The following CSNK1A1 variants were observed in gnomAD, a reference collection of about 807,000 sequenced individuals.
CSNK1A1 encodes casein kinase 1 alpha 1.
CSNK1A1 carries 7 observed loss-of-function variants against 46.1 expected under a neutral mutation model. The observed-to-expected ratio is 0.15, with a 90% CI of 0.09 to 0.29. CSNK1A1 has a LOEUF of 0.29. Among genes scored for constraint, CSNK1A1 ranks in the 10% least tolerant of loss-of-function variants. The pLI, the probability that CSNK1A1 is intolerant of heterozygous loss-of-function variation, is 1.00. For synonymous variants in CSNK1A1, 137 were observed against 141.5 expected, an observed-to-expected ratio of 0.97 and a Z score of 0.23; for missense variants, 96 against 417.1, an observed-to-expected ratio of 0.23 and a Z score of 6.71.
At chr5:149,504,133 G>A (rs1041558669) in intron 9 of CSNK1A1, 1 of 985,394 alleles carries the variant, frequency 1.0e-6, no homozygotes, top group Non-Finnish European at 1.2e-6. Context: ...AGATGCAGAG[G>A]CAGAGCACTG....
intron 2 of CSNK1A1, among the ~76,000 whole-genome samples, chr5:149,543,423 T>C (rs906799770): frequency 1.8e-4 from 28 of 152,238 alleles, no homozygotes; most frequent in African/African-American, 6.5e-4. Flanking sequence ...TAGTATACCA[T>C]GAATTCAGTT....
chr5:149,529,676 C>T (rs1039377591), intron 2 of CSNK1A1: 1 of 455,806 alleles, frequency 2.2e-6, no homozygotes, highest in African/African-American at 2.0e-5. Context: ...TAGATTGAAG[C>T]TGCAGTATAG....
At chr5:149,544,758 T>TATATATATATATACACACAC (rs150989849) in intron 2 of CSNK1A1, among the ~76,000 whole-genome samples, 1 of 129,284 alleles carries the variant, frequency 7.7e-6, no homozygotes, top group African/African-American at 3.2e-5. Context: ...TATATATATA[T>TATATATATATATACACACAC]ATATATAGTT....
At chr5:149,500,435 C>A (rs187520822) in intron 9 of CSNK1A1, among the ~76,000 whole-genome samples, 1 of 151,980 alleles carries the variant, frequency 6.6e-6, no homozygotes, top group South Asian at 2.1e-4. Context: ...CCGCGCCCGG[C>A]CCCAGCTACT....
chr5:149,505,685 C>A lies in CSNK1A1; in HGVS notation c.858-90G>T, dbSNP rs1760998590. On this transcript the variant is annotated intron_variant, in intron 8 of 9. Transcript: ENST00000377843. ...ACTTTTTAAGACAGTGACAGCATTT[C>A]TTTACACAACGAATATTTCCTCAAG... 7 of 1,030,732 alleles carry A rather than the reference C, an allele frequency of 6.8e-6. No individual in the cohort carries two copies. In the Admixed American group the frequency reaches 1.4e-4, roughly 21 times the overall value. 63.8% of individuals were successfully genotyped at this position (1,030,732 alleles called of 1,614,324 possible). A position where few individuals can be genotyped will look rare whatever the true frequency, so the allele number is the denominator to read the frequency against.
chr5:149,517,726 A>G lies in CSNK1A1; in HGVS notation c.456+2564T>C. The G allele has an allele frequency of 9.7e-7, 1 of 1,033,566 alleles. No individual in the cohort carries two copies. The highest frequency in any genetic ancestry group is 2.6e-5 in the East Asian group (1 of 38,458). 64.0% of individuals were successfully genotyped at this position (1,033,566 alleles called of 1,614,324 possible). On this transcript the variant is annotated intron_variant, in intron 4 of 9. Coordinates refer to ENST00000377843, the MANE Select transcript of CSNK1A1 (RefSeq NM_001892.6). This position sits in a 1 kb window ranked among gnomAD's most constrained non-coding sequence, Gnocchi z 4.4. Reference sequence around the variant, plus strand: ...ATTAAAACAAAACAAAAATCATCAAAATAAAACAATAAAAAAGAAAAGCAC... The same window carrying G: ...ATTAAAACAAAACAAAAATCATCAAGATAAAACAATAAAAAAGAAAAGCAC...
chr5:149,516,566 T>C lies in CSNK1A1; in HGVS notation c.457-3357A>G, dbSNP rs533818183. On this transcript the variant is annotated intron_variant, in intron 4 of 9. Coordinates refer to ENST00000377843, the MANE Select transcript of CSNK1A1 (RefSeq NM_001892.6). The stretch of plus-strand genomic sequence containing the variant: ...ACTAAAAACCTAGCTAACCTGTATG[T>C]ACAAAATCTAAACAATGTAATACAA... Among the ~76,000 whole-genome samples, 40 of 152,206 alleles carry C rather than the reference T, an allele frequency of 2.6e-4. 1 individual carries two copies. The highest frequency in any genetic ancestry group is 9.1e-4 in the African/African-American group (38 of 41,544).
chr5:149,515,077 G>A (rs1761358988), intron 4 of CSNK1A1, among the ~76,000 whole-genome samples: 1 of 152,198 alleles, frequency 6.6e-6, no homozygotes, highest in Non-Finnish European at 1.5e-5. Context: ...ATTAAGTTCT[G>A]CAGATTCATA....
At chr5:149,499,049 C>T (rs1167649501) in intron 9 of CSNK1A1, 7 of 985,238 alleles carry the variant, frequency 7.1e-6, no homozygotes, top group African/African-American at 3.5e-5. Flanking sequence ...GACATTCCAG[C>T]CAGGGATCAA....
At position 149,517,070 on chromosome 5, in the gene CSNK1A1, T is replaced by C. The variant is rs927656257; in HGVS notation, c.456+3220A>G. 6.6e-6 allele frequency among the ~76,000 whole-genome samples: 1 copy of C among 152,068 alleles called. No individual in the cohort carries two copies. Among genetic ancestry groups the C allele is most frequent in the Non-Finnish European group, 1.5e-5 (1 of 67,982 alleles). On this transcript the variant is annotated intron_variant, in intron 4 of 9. Transcript: ENST00000377843. The surrounding 1 kb of genome is among the most constrained non-coding windows in gnomAD (Gnocchi z 4.4). ...CAAAAGTGTAACAAAATATGAAGAG[T>C]TCTACTTACAAATTTAGAAAATTAG...
rs1760664657 is a variant in CSNK1A1, at chr5:149,496,749, A to G, written c.*104T>C. 5 of 1,471,002 alleles carry G rather than the reference A, an allele frequency of 3.4e-6. No individual in the cohort carries two copies. Among genetic ancestry groups the G allele is most frequent in the Non-Finnish European group, 4.5e-6 (5 of 1,103,320 alleles). The allele number at this position is 1,471,002 out of a possible 1,614,324, so 91.1% of individuals were successfully genotyped here. A position where few individuals can be genotyped will look rare whatever the true frequency, so the allele number is the denominator to read the frequency against. On this transcript the variant is annotated 3_prime_UTR_variant, in exon 10 of 10. Transcript: ENST00000377843. ...CTTTACACCAAGTAAATGGTTGTCC[A>G]CAACCACTGGCTAGTGTACATATGA... is the stretch of plus-strand genomic sequence containing the variant.
intron 7 of CSNK1A1, among the ~76,000 whole-genome samples, chr5:149,508,862 C>G (rs1193427067): frequency 6.6e-6 from 1 of 152,156 alleles, no homozygotes; most frequent in East Asian, 1.9e-4. Context: ...CCCTAACAAA[C>G]CAGAAACATA....
chr5:149,549,418 A>C, intron 2 of CSNK1A1: 1 of 700,112 alleles, frequency 1.4e-6, no homozygotes, highest in Non-Finnish European at 2.6e-6. Context: ...CAGAGATCAC[A>C]AACACTGTCA....
At chr5:149,516,319 G>A (rs534895543) in intron 4 of CSNK1A1, among the ~76,000 whole-genome samples, 2 of 149,060 alleles carry the variant, frequency 1.3e-5, no homozygotes, top group South Asian at 4.3e-4. Context: ...GTGAAACCCC[G>A]TCTCAAAACA....
chr5:149,526,917 A>G (rs1342035363), intron 2 of CSNK1A1, among the ~76,000 whole-genome samples: 10 of 152,222 alleles, frequency 6.6e-5, no homozygotes, highest in Non-Finnish European at 1.5e-4. Flanking sequence ...CAAAAAGTTC[A>G]GTTCCTTCCT....
chr5:149,548,756 C>T (rs560289356), intron 2 of CSNK1A1, among the ~76,000 whole-genome samples: 2 of 151,500 alleles, frequency 1.3e-5, no homozygotes, highest in Non-Finnish European at 2.9e-5. Context: ...GGCTGAGGCA[C>T]GAGAATCACT....
chr5:149,520,459 TC>T, intron 3 of CSNK1A1, 71 bp from the exon 4 acceptor site: 1 of 833,058 alleles, frequency 1.2e-6, no homozygotes, highest in Non-Finnish European at 2.0e-6. Flanking sequence ...CTTAAGTATT[TC>T]AGTATCTCAA....
At chr5:149,547,199 T>C (rs887449260) in intron 2 of CSNK1A1, among the ~76,000 whole-genome samples, 1 of 152,212 alleles carries the variant, frequency 6.6e-6, no homozygotes, top group Non-Finnish European at 1.5e-5. Flanking sequence ...TCAGGAAGCC[T>C]TAACTTGAAA....
chr5:149,498,042 C>T (rs1126628), intron 9 of CSNK1A1: 3 of 827,062 alleles, frequency 3.6e-6, no homozygotes, highest in Non-Finnish European at 4.4e-6. Context: ...CTGTGTTGGC[C>T]AGGCTGGTCT....
Sources: gnomAD v4.1 joint callset for allele counts (sites outside exome capture counted in the v4.1 genomes callset) on GRCh38, gnomAD v4.1.1 for gene constraint, Gnocchi (gnomAD v3.1) non-coding constraint, MANE v1.5 for transcripts, NCBI Gene and HGNC (gene_info 2026-07-23, HGNC 2026-07-21) for gene names.